The following ADA variants were observed in gnomAD, a reference collection of about 807,000 sequenced individuals.
The protein encoded by ADA is adenosine aminohydrolase.
A neutral mutation model predicts 49.0 loss-of-function variants in ADA; 45 were observed. The ratio of observed to expected loss-of-function variants is 0.92; its 90% CI spans 0.72 to 1.18. The LOEUF is 1.18. ADA is among the 50% of genes most tolerant of loss of function. The probability of loss-of-function intolerance (pLI) is 0.00; values close to 1 mark genes in which losing one functional copy is unlikely to be tolerated. For missense variants in ADA, 445 were observed against 472.5 expected, an observed-to-expected ratio of 0.94 and a Z score of 0.54; for synonymous variants, 173 against 184.2, an observed-to-expected ratio of 0.94 and a Z score of 0.49.
At chr20:44,621,323 A>G (rs1221260746) in intron 9 of ADA, among the ~76,000 whole-genome samples, 176 bp from the exon 10 acceptor site, 2 of 152,234 alleles carry the variant, frequency 1.3e-5, no homozygotes, top group East Asian at 1.9e-4. Flanking sequence ...GTTCAAGTCT[A>G]TGTAACCAGA....
At chr20:44,633,581 C>T (rs1266667126) in intron 2 of ADA, among the ~76,000 whole-genome samples, 1 of 152,168 alleles carries the variant, frequency 6.6e-6, no homozygotes, top group Non-Finnish European at 1.5e-5. Context: ...CCAACTACAG[C>T]ACTGCAGGGC....
intron 7 of ADA, 28 bp downstream of exon 7, chr20:44,622,979 G>A: frequency 1.2e-6 from 2 of 1,614,198 alleles, no homozygotes; most frequent in Non-Finnish European, 1.7e-6. Flanking sequence ...CAGTGAGGAG[G>A]GACCCCATGG....
chr20:44,647,455 G>T (rs1438060465), intron 1 of ADA, among the ~76,000 whole-genome samples: 1 of 151,800 alleles, frequency 6.6e-6, no homozygotes, highest in Non-Finnish European at 1.5e-5. Context: ...AAAAAAGAAA[G>T]AAACTGCTGT....
intron 1 of ADA, among the ~76,000 whole-genome samples, chr20:44,646,473 G>GAGGAGGA (rs1241119818): frequency 1.3e-5 from 2 of 150,672 alleles, no homozygotes; most frequent in Non-Finnish European, 2.9e-5. Flanking sequence ...AGGGAGGAGG[G>GAGGAGGA]AGATTCTGCA....
chr20:44,640,438 C>A (rs1028276087), intron 1 of ADA, among the ~76,000 whole-genome samples: 1 of 145,834 alleles, frequency 6.9e-6, no homozygotes, highest in Non-Finnish European at 1.5e-5. Flanking sequence ...TAACTTATGG[C>A]GGGTGGATCA....
chr20:44,643,316 ACAGT>A (rs1339486099), intron 1 of ADA, among the ~76,000 whole-genome samples: 1 of 152,128 alleles, frequency 6.6e-6, no homozygotes, highest in African/African-American at 2.4e-5. Context: ...GTACCCCAAA[ACAGT>A]CAGTGATGGA....
chr20:44,622,583 C>T lies in ADA; in HGVS notation c.845+5G>A. 3.7e-6 allele frequency: 6 copies of T among 1,614,244 alleles called. No homozygotes were observed. The highest frequency in any genetic ancestry group is 5.1e-6 in the Non-Finnish European group (6 of 1,180,036). On this transcript the variant is annotated splice_donor_5th_base_variant and intron_variant, in intron 9 of 11. Transcript: ENST00000372874. ...ATTGAACAGGCCCAGGGGAACAGAGCTCACCGAATGACTGCATGCTCCGTG... is the reference window on the plus strand; with the variant it reads ...ATTGAACAGGCCCAGGGGAACAGAGTTCACCGAATGACTGCATGCTCCGTG...
chr20:44,627,430 C>T (rs867477291), intron 3 of ADA, among the ~76,000 whole-genome samples: 2 of 152,218 alleles, frequency 1.3e-5, no homozygotes, highest in African/African-American at 4.8e-5. Flanking sequence ...ATCCGCCCAC[C>T]TCAGCCTCCC....
rs767782363 is a variant in ADA at position 44,625,683 on chromosome 20, C to T, written c.364G>A (p.Gly122Arg). The change falls in exon 5 of 12, where the codon GGG becomes AGG. Residue 122 changes from glycine to arginine, a missense_variant and splice_region_variant. By Grantham distance (125) the Gly-to-Arg change is moderately radical. Coordinates refer to ENST00000372874, the MANE Select transcript of ADA (RefSeq NM_000022.4). ...ACCACCTCGTCTGGGGTGAGGTCCC[C>T]TCTGTGTGAGGAGAGGAGTAGGGAT... is the stretch of plus-strand genomic sequence containing the variant. ...VEPIPWNQAEGDLTPDEVVAL... is the reference protein window; with the variant it reads ...VEPIPWNQAERDLTPDEVVAL... The T allele has an allele frequency of 5.1e-6, 8 of 1,558,724 alleles. No individual in the cohort carries two copies. The highest frequency in any genetic ancestry group is 4.7e-5 in the South Asian group (4 of 84,594).
chr20:44,625,290 GA>G (rs901920135), intron 5 of ADA, among the ~76,000 whole-genome samples: 3 of 152,172 alleles, frequency 2.0e-5, no homozygotes, highest in Non-Finnish European at 4.4e-5. Context: ...ATCTAGCCTA[GA>G]TTTTTTTTTC....
intron 1 of ADA, among the ~76,000 whole-genome samples, chr20:44,636,764 G>A (rs1376923456): frequency 6.6e-6 from 1 of 152,126 alleles, no homozygotes. Context: ...TCCCAAACTA[G>A]GGAAGAGTCA....
chr20:44,623,218 C>G (rs1339365686), intron 6 of ADA, 140 bp from the exon 7 acceptor site: 1 of 1,259,630 alleles, frequency 7.9e-7, no homozygotes, highest in African/African-American at 1.5e-5. Flanking sequence ...CTTTTACCCT[C>G]CAAGTCCTTA....
chr20:44,642,290 C>A (rs2065543356), intron 1 of ADA, among the ~76,000 whole-genome samples: 1 of 152,190 alleles, frequency 6.6e-6, no homozygotes, highest in Non-Finnish European at 1.5e-5. Context: ...GTTACCACAG[C>A]AGCACAAGGT....
intron 1 of ADA, 133 bp downstream of exon 1, chr20:44,651,442 G>A: frequency 1.1e-6 from 1 of 932,840 alleles, no homozygotes; most frequent in Non-Finnish European, 1.6e-6. Flanking sequence ...CACGGCCTAA[G>A]CCGAAGGAAG....
intron 1 of ADA, among the ~76,000 whole-genome samples, chr20:44,646,003 C>T (rs2065588063): frequency 6.6e-6 from 1 of 152,134 alleles, no homozygotes; most frequent in South Asian, 2.1e-4. Flanking sequence ...CAGATTCCAA[C>T]CTCACTCTGC....
At chr20:44,620,481 C>G in intron 10 of ADA, 80 bp from the exon 11 acceptor site, 1 of 1,196,080 alleles carries the variant, frequency 8.4e-7, no homozygotes. Context: ...ATAGTCCATC[C>G]TCTTCACTCA....
At chr20:44,651,433 A>T in intron 1 of ADA, 142 bp downstream of exon 1, 2 of 862,526 alleles carry the variant, frequency 2.3e-6, no homozygotes, top group Non-Finnish European at 3.5e-6. Context: ...CAAGCAAGCC[A>T]CGGCCTAAGC....
chr20:44,641,468 G>C (rs780306323), intron 1 of ADA, among the ~76,000 whole-genome samples: 2 of 151,558 alleles, frequency 1.3e-5, no homozygotes, highest in Non-Finnish European at 3.0e-5. Context: ...GAGGGGGCAG[G>C]ACGTGCATGT....
chr20:44,648,783 ACATTAG>A (rs2065616184), intron 1 of ADA, among the ~76,000 whole-genome samples: 1 of 152,054 alleles, frequency 6.6e-6, no homozygotes, highest in Non-Finnish European at 1.5e-5. Context: ...TGGATCGTTG[ACATTAG>A]CATTTCCTGG....
Sources: allele counts gnomAD v4.1 joint callset (sites outside exome capture counted in the v4.1 genomes callset), GRCh38; gene constraint gnomAD v4.1.1; transcripts MANE v1.5; gene names NCBI Gene and HGNC (gene_info 2026-07-23, HGNC 2026-07-21).